FGF12: variants seen among roughly 807,000 people sequenced by gnomAD.
FGF12 encodes fibroblast growth factor 12.
In FGF12, 14 loss-of-function variants were observed where a neutral mutation model predicts 23.6. The ratio of observed to expected loss-of-function variants is 0.59; its 90% CI spans 0.39 to 0.93. The LOEUF is 0.93. Among genes scored for constraint, FGF12 ranks in the 40% least tolerant of loss-of-function variants. FGF12 has a pLI of 0.00. For synonymous variants in FGF12, 62 were observed against 77.3 expected (o/e 0.80, Z 1.04); for missense variants, 175 against 217.8 (o/e 0.80, Z 1.24).
intron 4 of FGF12, among the ~76,000 whole-genome samples, chr3:192,176,339 G>C (rs1220634240): frequency 6.6e-6 from 1 of 152,138 alleles, no homozygotes; most frequent in East Asian, 1.9e-4. Flanking sequence ...ATTTCTTTTA[G>C]TATTTAATGT....
At chr3:192,273,998 G>C (rs763804721) in intron 4 of FGF12, among the ~76,000 whole-genome samples, 1 of 151,690 alleles carries the variant, frequency 6.6e-6, no homozygotes. Context: ...AATTATACAG[G>C]CTGAAGATGA....
chr3:192,167,745 AT>A (rs1715261360), intron 5 of FGF12, among the ~76,000 whole-genome samples: 4 of 23,418 alleles, frequency 1.7e-4, no homozygotes, highest in South Asian at 2.1e-3. Flanking sequence ...ATATATATAT[AT>A]ATATATATAT....
At chr3:192,620,041 C>A (rs192621252) in intron 2 of FGF12, among the ~76,000 whole-genome samples, 1 of 152,010 alleles carries the variant, frequency 6.6e-6, no homozygotes, top group African/African-American at 2.4e-5. Context: ...GCTCAGTGGG[C>A]GAGAAGAGCT....
chr3:192,332,697 T>A (rs1315296838), intron 4 of FGF12, among the ~76,000 whole-genome samples: 1 of 152,104 alleles, frequency 6.6e-6, no homozygotes, highest in Non-Finnish European at 1.5e-5. Context: ...TGACACTAGA[T>A]AAATGATACT....
intron 2 of FGF12, among the ~76,000 whole-genome samples, chr3:192,400,369 C>CT (rs5855423): frequency 0.26 from 34,029 of 130,678 alleles, 5,670 homozygotes; most frequent in Non-Finnish European, 0.36. Context: ...ACATTCTTTT[C>CT]TTTTTTTTTT....
At chr3:192,536,408 A>G (rs1176411397) in intron 2 of FGF12, among the ~76,000 whole-genome samples, 1 of 152,176 alleles carries the variant, frequency 6.6e-6, no homozygotes, top group African/African-American at 2.4e-5. Context: ...GCAAACAACA[A>G]ACCAACAAAT....
At chr3:192,537,054 T>A (rs1411065441) in intron 2 of FGF12, among the ~76,000 whole-genome samples, 1 of 152,164 alleles carries the variant, frequency 6.6e-6, no homozygotes, top group African/African-American at 2.4e-5. Context: ...CATGTGAAGT[T>A]TATCTTTCTG....
intron 5 of FGF12, among the ~76,000 whole-genome samples, chr3:192,159,380 A>G (rs956243725): frequency 1.3e-5 from 2 of 152,196 alleles, no homozygotes; most frequent in African/African-American, 4.8e-5. Context: ...AACATCAATC[A>G]AAATAGCCTA....
chr3:192,413,203 T>C (rs553709584), intron 2 of FGF12, among the ~76,000 whole-genome samples: 132 of 152,326 alleles, frequency 8.7e-4, no homozygotes, highest in African/African-American at 3.1e-3. Context: ...AAATCTACTA[T>C]TAGGGCTAGT....
chr3:192,528,392 C>T (rs1725005787), intron 2 of FGF12, among the ~76,000 whole-genome samples: 1 of 152,134 alleles, frequency 6.6e-6, no homozygotes, highest in Non-Finnish European at 1.5e-5. Context: ...AGGTGGGTCC[C>T]CATGCTCTTG....
Position 192,726,130 on chromosome 3 carries a change from C to T in FGF12, c.13+1051G>A, listed in dbSNP as rs144655213. Among the ~76,000 whole-genome samples the T allele has an allele frequency of 3.2e-3, 494 of 152,294 alleles. 3 individuals carry two copies. In the Middle Eastern group the frequency reaches 0.068, roughly 21 times the overall value. Reference sequence around the variant, plus strand: ...TCAACACTCCAGTTTCATTAATCAGCCCAGAAATAGGTAACTCACCACCAT... The same window carrying T: ...TCAACACTCCAGTTTCATTAATCAGTCCAGAAATAGGTAACTCACCACCAT... On this transcript the variant is annotated intron_variant, in intron 2 of 5. Coordinates refer to ENST00000445105, the MANE Select transcript of FGF12 (RefSeq NM_004113.6).
intron 2 of FGF12, among the ~76,000 whole-genome samples, chr3:192,640,101 G>C (rs879917725): frequency 5.0e-4 from 76 of 152,266 alleles, no homozygotes; most frequent in Non-Finnish European, 9.1e-4. Context: ...GGGGATGTAG[G>C]TCATAGGTTG....
intron 2 of FGF12, among the ~76,000 whole-genome samples, chr3:192,630,896 G>A (rs1419823408): frequency 6.6e-6 from 1 of 151,774 alleles, no homozygotes; most frequent in Non-Finnish European, 1.5e-5. Context: ...TTATGGCCTA[G>A]TCTGGTTCCA....
intron 3 of FGF12, among the ~76,000 whole-genome samples, chr3:192,338,419 T>C (rs932450772): frequency 1.3e-5 from 2 of 152,190 alleles, no homozygotes; most frequent in Non-Finnish European, 2.9e-5. Context: ...CTACACCTTC[T>C]AACATATCCT....
At chr3:192,531,886 C>T (rs1725097787) in intron 2 of FGF12, among the ~76,000 whole-genome samples, 1 of 152,124 alleles carries the variant, frequency 6.6e-6, no homozygotes, top group Non-Finnish European at 1.5e-5. Flanking sequence ...GTTTTTAGTC[C>T]ATGGTCTTCC....
At chr3:192,723,732 C>A (rs1719111446) in intron 2 of FGF12, among the ~76,000 whole-genome samples, 1 of 151,842 alleles carries the variant, frequency 6.6e-6, no homozygotes, top group Admixed American at 6.6e-5. Context: ...GCCTAAGCAT[C>A]TTTACATTTG....
chr3:192,215,301 C>T (rs1431518334), intron 4 of FGF12, among the ~76,000 whole-genome samples: 1 of 152,116 alleles, frequency 6.6e-6, no homozygotes, highest in Admixed American at 6.5e-5. Context: ...TTTTTCTGAG[C>T]CAATGAAGAA....
rs1396299359 is a variant in FGF12, at chr3:192,141,127, C to CAAAAAA, written c.*2881_*2882insTTTTTT. ...TCCTGGGAAAAATCCCAATGCAACT[C>CAAAAAA]CAAAAAAAAAAAAAAAAAAAAAAAA... On this transcript the variant is annotated 3_prime_UTR_variant, in exon 6 of 6. Coordinates refer to ENST00000445105, the MANE Select transcript of FGF12 (RefSeq NM_004113.6). 1.3e-3 allele frequency: 28 copies of CAAAAAA among 21,856 alleles called. 1 individual carries two copies. The highest frequency in any genetic ancestry group is 2.1e-3 in the Admixed American group (3 of 1,404). 1.4% of individuals were successfully genotyped at this position (21,856 alleles called of 1,614,324 possible). A position where few individuals can be genotyped will look rare whatever the true frequency, so the allele number is the denominator to read the frequency against.
intron 2 of FGF12, among the ~76,000 whole-genome samples, chr3:192,683,309 A>G (rs114574605): frequency 6.6e-6 from 1 of 152,202 alleles, no homozygotes; most frequent in South Asian, 2.1e-4. Flanking sequence ...GACTTGCAGC[A>G]TTACGTACAA....
Sources: allele counts gnomAD v4.1 joint callset (sites outside exome capture counted in the v4.1 genomes callset), GRCh38; gene constraint gnomAD v4.1.1; transcripts MANE v1.5; gene names NCBI Gene and HGNC (gene_info 2026-07-23, HGNC 2026-07-21).